Variants in STT3B observed in about 807,000 individuals in gnomAD.
STT3B encodes the protein STT3 oligosaccharyltransferase complex catalytic subunit B, also known as dolichyl-diphosphooligosaccharide--protein glycosyltransferase subunit STT3B.
A neutral mutation model predicts 96.8 loss-of-function variants in STT3B; 29 were observed. The ratio of observed to expected loss-of-function variants is 0.30; its 90% CI spans 0.22 to 0.41. The LOEUF (loss-of-function observed/expected upper bound fraction) is 0.41. STT3B is among the 10% of genes least tolerant of loss of function. STT3B has a pLI of 1.00. For synonymous variants in STT3B, 367 were observed against 360.0 expected, an observed-to-expected ratio of 1.02 and a Z score of -0.22; for missense variants, 640 against 1,022.3, an observed-to-expected ratio of 0.63 and a Z score of 5.10.
chr3:31,554,763 C>T (rs1039061930), intron 1 of STT3B, among the ~76,000 whole-genome samples: 8 of 152,166 alleles, frequency 5.3e-5, no homozygotes, highest in Non-Finnish European at 1.0e-4. Flanking sequence ...TACAGACCCT[C>T]ACCCAGAAAG....
intron 1 of STT3B, among the ~76,000 whole-genome samples, chr3:31,562,933 C>T (rs1697915763): frequency 6.6e-6 from 1 of 152,118 alleles, no homozygotes. Flanking sequence ...TCAGGCAGCT[C>T]CCTGTTAGTC....
chr3:31,600,809 TAAGC>T (rs1698911410), intron 5 of STT3B, among the ~76,000 whole-genome samples: 1 of 152,154 alleles, frequency 6.6e-6, no homozygotes, highest in Non-Finnish European at 1.5e-5. Context: ...ATCCTCAAAG[TAAGC>T]AGCTTAATAA....
intron 9 of STT3B, among the ~76,000 whole-genome samples, chr3:31,621,135 T>C (rs1699418557): frequency 6.6e-6 from 1 of 152,164 alleles, no homozygotes; most frequent in Admixed American, 6.5e-5. Context: ...TTTTTGTATA[T>C]CTGTAGTGGA....
At chr3:31,551,226 T>G (rs115074336) in intron 1 of STT3B, among the ~76,000 whole-genome samples, 2,378 of 151,992 alleles carry the variant, frequency 0.016, 24 homozygotes, top group Non-Finnish European at 0.022. Context: ...TGTTTGTTTG[T>G]TTGGTTTTTG....
At chr3:31,569,103 G>A (rs1698077837) in intron 1 of STT3B, among the ~76,000 whole-genome samples, 1 of 152,004 alleles carries the variant, frequency 6.6e-6, no homozygotes, top group Admixed American at 6.6e-5. Context: ...TCAAACTTCT[G>A]GGCTCAAGTG....
At chr3:31,576,136 C>T (rs1224085584) in intron 1 of STT3B, among the ~76,000 whole-genome samples, 1 of 151,956 alleles carries the variant, frequency 6.6e-6, no homozygotes, top group Non-Finnish European at 1.5e-5. Context: ...TTCTTTATAG[C>T]CCTCTACCAC....
rs553698396 is a variant in STT3B, at chr3:31,541,514, C to T, written c.314+8202C>T. ...GCTGAGCATTTTCTTTAAGATTCATCCTTGTTGGTCAAAGGATTGTTGACA... is the reference window on the plus strand; with the variant it reads ...GCTGAGCATTTTCTTTAAGATTCATTCTTGTTGGTCAAAGGATTGTTGACA... On this transcript the variant is annotated intron_variant, in intron 1 of 15. Transcript: ENST00000295770. Among the ~76,000 whole-genome samples, 3 of 122,546 alleles carry T rather than the reference C, an allele frequency of 2.4e-5. No individual in the cohort carries two copies. In the South Asian group the frequency reaches 8.0e-4, roughly 33 times the overall value. The allele number at this position is 122,546 out of a possible 152,430, so 80.4% of individuals were successfully genotyped here. A position where few individuals can be genotyped will look rare whatever the true frequency, so the allele number is the denominator to read the frequency against.
chr3:31,533,403 C>G (rs1377798823), intron 1 of STT3B, 91 bp downstream of exon 1: 3 of 1,295,816 alleles, frequency 2.3e-6, no homozygotes, highest in Non-Finnish European at 2.9e-6. Flanking sequence ...GACTTGGCCC[C>G]GCGCCGCCGC....
chr3:31,568,136 A>G (rs575964547), intron 1 of STT3B, among the ~76,000 whole-genome samples: 6 of 152,258 alleles, frequency 3.9e-5, no homozygotes, highest in African/African-American at 1.2e-4. Context: ...GGCTTATTTT[A>G]CTTAACATAA....
intron 1 of STT3B, among the ~76,000 whole-genome samples, chr3:31,553,101 C>CAA (rs558668757): frequency 2.2e-3 from 140 of 62,990 alleles, no homozygotes; most frequent in East Asian, 3.0e-3. Flanking sequence ...AACTCCGTCT[C>CAA]AAAAAAAAAA....
chr3:31,588,381 C>T (rs1468424397), intron 3 of STT3B, among the ~76,000 whole-genome samples: 2 of 151,854 alleles, frequency 1.3e-5, no homozygotes, highest in Non-Finnish European at 2.9e-5. Flanking sequence ...TTAACTTATT[C>T]TAGAAACAGA....
At chr3:31,629,270 C>G in intron 13 of STT3B, 28 bp from the exon 14 acceptor site, 1 of 1,253,544 alleles carries the variant, frequency 8.0e-7, no homozygotes, top group South Asian at 1.2e-5. Flanking sequence ...CTTGAACTAA[C>G]ATAGAACTTG....
chr3:31,604,026 T>G (rs1034554186), intron 5 of STT3B, among the ~76,000 whole-genome samples: 1 of 152,146 alleles, frequency 6.6e-6, no homozygotes, highest in Non-Finnish European at 1.5e-5. Flanking sequence ...TTAACTAGAT[T>G]AGGTTAGTAA....
Position 31,559,305 on chromosome 3 carries a change from T to G in STT3B, c.315-17091T>G, listed in dbSNP as rs564264484. On this transcript the variant is annotated intron_variant, in intron 1 of 15. Coordinates refer to ENST00000295770, the MANE Select transcript of STT3B (RefSeq NM_178862.3). ...GCATTATTAGATTGCTTATTTGGAG[T>G]CTTTGTATTTTTTTTTTTATGTAGG... 4.7e-5 allele frequency among the ~76,000 whole-genome samples: 7 copies of G among 150,366 alleles called. No homozygotes were observed. The South Asian group carries it at 1.5e-3, about 32-fold the overall frequency.
intron 12 of STT3B, among the ~76,000 whole-genome samples, chr3:31,625,649 C>T (rs1699520184): frequency 6.6e-6 from 1 of 152,164 alleles, no homozygotes; most frequent in Non-Finnish European, 1.5e-5. Flanking sequence ...CCCTGGCCTG[C>T]GGTTGTGAGA....
intron 11 of STT3B, among the ~76,000 whole-genome samples, chr3:31,624,174 TTTTTG>T (rs1559391312): frequency 6.6e-6 from 1 of 152,158 alleles, no homozygotes; most frequent in Non-Finnish European, 1.5e-5. Context: ...AATTAAATTA[TTTTTG>T]ACTGTAATCA....
chr3:31,613,004 A>G (rs897915203), intron 5 of STT3B, among the ~76,000 whole-genome samples: 3 of 152,170 alleles, frequency 2.0e-5, no homozygotes, highest in Non-Finnish European at 4.4e-5. Flanking sequence ...AATTGAACCA[A>G]TTATCCATAC....
chr3:31,535,020 A>G (rs1277738920), intron 1 of STT3B, among the ~76,000 whole-genome samples: 1 of 152,220 alleles, frequency 6.6e-6, no homozygotes, highest in Admixed American at 6.5e-5. Flanking sequence ...ATGAAAAGAG[A>G]AAGTTCTCTT....
At chr3:31,571,670 C>G (rs1000789595) in intron 1 of STT3B, among the ~76,000 whole-genome samples, 1 of 151,852 alleles carries the variant, frequency 6.6e-6, no homozygotes, top group Non-Finnish European at 1.5e-5. Flanking sequence ...TTTACATGAA[C>G]AGAGGAAAAG....
Sources: gnomAD v4.1 joint callset for allele counts (sites outside exome capture counted in the v4.1 genomes callset) on GRCh38, gnomAD v4.1.1 for gene constraint, MANE v1.5 for transcripts, NCBI Gene and HGNC (gene_info 2026-07-23, HGNC 2026-07-21) for gene names.